OCA2: variants seen among roughly 807,000 people sequenced by gnomAD.
OCA2 encodes OCA2 melanosomal transmembrane protein.
A neutral mutation model predicts 100.2 loss-of-function variants in OCA2; 77 were observed. The ratio of observed to expected loss-of-function variants is 0.77; its 90% CI spans 0.64 to 0.93. OCA2 has a LOEUF of 0.93. Ranked by LOEUF, OCA2 falls within the 40% of genes least tolerant of loss-of-function variation. The pLI, the probability that OCA2 is intolerant of heterozygous loss-of-function variation, is 0.00. For synonymous variants in OCA2, 432 were observed against 439.2 expected, an observed-to-expected ratio of 0.98 and a Z score of 0.21; for missense variants, 1,062 against 1,089.1, an observed-to-expected ratio of 0.98 and a Z score of 0.35.
intron 23 of OCA2, among the ~76,000 whole-genome samples, chr15:27,840,654 A>G (rs1191480429): frequency 6.6e-6 from 1 of 152,218 alleles, no homozygotes; most frequent in African/African-American, 2.4e-5. Flanking sequence ...CAGCAACTCA[A>G]CGGAGGAACC....
chr15:27,919,748 C>G (rs969522086), intron 19 of OCA2, among the ~76,000 whole-genome samples: 1 of 152,138 alleles, frequency 6.6e-6, no homozygotes, highest in African/African-American at 2.4e-5. Flanking sequence ...CACCAAGAAC[C>G]AAGAATGAGC....
Position 28,018,490 on chromosome 15 carries a change from G to A in OCA2, c.714C>T (p.Ala238=). Residue 238 remains alanine (A), a synonymous_variant, in exon 7 of 24, where the codon GCC becomes GCT. Coordinates refer to ENST00000354638, the MANE Select transcript of OCA2 (RefSeq NM_000275.3). The part of the protein sequence containing the change: ...LQVDLAGALV[A]SGPSRPGREE... ...CCCTCCCAGGACGACTCGGCCCACT[G>A]GCCACTAGGGCCCCTGCCAGGTCCA... 2.5e-6 allele frequency: 4 copies of A among 1,613,678 alleles called. No individual in the cohort carries two copies. The highest frequency in any genetic ancestry group is 3.4e-6 in the Non-Finnish European group (4 of 1,179,926).
At chr15:27,853,151 T>G (rs2035823076) in intron 21 of OCA2, among the ~76,000 whole-genome samples, 4 of 104,442 alleles carry the variant, frequency 3.8e-5, no homozygotes, top group Admixed American at 3.4e-4. Context: ...CTATTCACAA[T>G]AGCAAAGACT....
intron 23 of OCA2, among the ~76,000 whole-genome samples, chr15:27,771,026 TTCCC>T (rs1291951873): frequency 1.5e-5 from 2 of 132,646 alleles, no homozygotes; most frequent in Non-Finnish European, 3.2e-5. Context: ...TCTTCTTTCC[TTCCC>T]TCCCTCCCTC....
chr15:28,028,026 G>A lies in OCA2; in HGVS notation c.360C>T (p.Phe120=). The part of the protein sequence containing the change: ...SRCIPVYHPE[F]ITAEESWEDS... ...CTTCCCAAGACTCTTCAGCAGTGAT[G>A]AACTCTGGATGGTAAACAGGTATGC... The change falls in exon 4 of 24, where the codon TTC becomes TTT. Residue 120 remains phenylalanine, a synonymous_variant. Coordinates refer to ENST00000354638, the MANE Select transcript of OCA2 (RefSeq NM_000275.3). 1 of 1,614,250 alleles carries A rather than the reference G, an allele frequency of 6.2e-7. No homozygotes were observed. The highest frequency in any genetic ancestry group is 1.1e-5 in the South Asian group (1 of 91,082).
At chr15:28,050,354 C>A (rs573513325) in intron 2 of OCA2, among the ~76,000 whole-genome samples, 1 of 151,658 alleles carries the variant, frequency 6.6e-6, no homozygotes, top group Non-Finnish European at 1.5e-5. Flanking sequence ...AGGTCGAGTT[C>A]GAGACCAGCC....
At position 27,796,855 on chromosome 15, in the gene OCA2, G is replaced by A. The variant is rs150561822; in HGVS notation, c.2433-41383C>T. ...CCTCATCCAAGGTTTCTCCAGCCCCGCCTACCCACTCCGTGTCCCTCCAAT... is the reference window on the plus strand; with the variant it reads ...CCTCATCCAAGGTTTCTCCAGCCCCACCTACCCACTCCGTGTCCCTCCAAT... On this transcript the variant is annotated intron_variant, in intron 23 of 23. Coordinates refer to ENST00000354638, the MANE Select transcript of OCA2 (RefSeq NM_000275.3). Among the ~76,000 whole-genome samples the A allele has an allele frequency of 1.6e-3, 238 of 152,196 alleles. 1 individual carries two copies. Among genetic ancestry groups the A allele is most frequent in the African/African-American group, 5.3e-3 (220 of 41,538 alleles).
chr15:27,729,520 G>A, the OCA2 span, among the ~76,000 whole-genome samples: 3 of 152,120 alleles, frequency 2.0e-5, no homozygotes, highest in African/African-American at 7.2e-5. Flanking sequence ...TCAAATCAAG[G>A]TGTTGGGAGG....
At chr15:27,806,990 C>G (rs1450522793) in intron 23 of OCA2, among the ~76,000 whole-genome samples, 1 of 152,128 alleles carries the variant, frequency 6.6e-6, no homozygotes. Flanking sequence ...CACCTCAGAC[C>G]CACATTAGCA....
At chr15:27,891,021 C>T (rs558802734) in intron 19 of OCA2, among the ~76,000 whole-genome samples, 5 of 143,372 alleles carry the variant, frequency 3.5e-5, no homozygotes, top group African/African-American at 1.1e-4. Context: ...GAGACTCCAT[C>T]TCAAAAAAAA....
chr15:27,951,948 C>T (rs1026006854), intron 17 of OCA2, 56 bp from the exon 18 acceptor site: 28 of 1,180,054 alleles, frequency 2.4e-5, no homozygotes, highest in Middle Eastern at 3.8e-4. Context: ...ACTCCTGCAG[C>T]GTGTCATAAC....
At chr15:27,961,191 T>C (rs2040400509) in intron 15 of OCA2, among the ~76,000 whole-genome samples, 1 of 151,816 alleles carries the variant, frequency 6.6e-6, no homozygotes, top group Admixed American at 6.6e-5. Flanking sequence ...AACAAACATA[T>C]GAAAAAAAGC....
chr15:27,991,779 C>T (rs1394985736), intron 9 of OCA2, among the ~76,000 whole-genome samples: 1 of 152,118 alleles, frequency 6.6e-6, no homozygotes, highest in African/African-American at 2.4e-5. Context: ...AAATTAAACG[C>T]TAGCATGCAT....
At chr15:27,955,724 GC>G (rs2040201296) in intron 16 of OCA2, among the ~76,000 whole-genome samples, 1 of 152,080 alleles carries the variant, frequency 6.6e-6, no homozygotes, top group South Asian at 2.1e-4. Flanking sequence ...ACTTTGGGGG[GC>G]CGAGGGGGAA....
intron 19 of OCA2, among the ~76,000 whole-genome samples, chr15:27,925,765 A>C (rs762067732): frequency 6.6e-6 from 1 of 152,242 alleles, no homozygotes; most frequent in Admixed American, 6.5e-5. Context: ...TGTTACTCAA[A>C]TATCACACAA....
intron 19 of OCA2, among the ~76,000 whole-genome samples, chr15:27,923,851 G>A (rs984400725): frequency 2.6e-4 from 39 of 152,264 alleles, no homozygotes; most frequent in African/African-American, 9.1e-4. Flanking sequence ...CTGTGCAGAA[G>A]CTCTTTAGTT....
At chr15:28,066,585 C>G (rs906401033) in intron 2 of OCA2, among the ~76,000 whole-genome samples, 1 of 152,260 alleles carries the variant, frequency 6.6e-6, no homozygotes. Flanking sequence ...ACATGACAGA[C>G]AGCAGACCCT....
downstream of OCA2, among the ~76,000 whole-genome samples, chr15:27,752,816 C>A (rs1036452190): frequency 7.8e-5 from 7 of 89,750 alleles, no homozygotes; most frequent in Admixed American, 4.8e-4. Flanking sequence ...CCCCCCCCCC[C>A]AGAGGCCCAC....
intron 2 of OCA2, among the ~76,000 whole-genome samples, chr15:28,061,569 T>G (rs952809171): frequency 6.6e-6 from 1 of 152,088 alleles, no homozygotes; most frequent in Admixed American, 6.6e-5. Flanking sequence ...TCCTTGTGAA[T>G]GGAATTAGTG....
Sources: allele counts gnomAD v4.1 joint callset (sites outside exome capture counted in the v4.1 genomes callset), GRCh38; gene constraint gnomAD v4.1.1; transcripts MANE v1.5; gene names NCBI Gene and HGNC (gene_info 2026-07-23, HGNC 2026-07-21).